FGF14: variants seen among roughly 807,000 people sequenced by gnomAD.
FGF14 encodes fibroblast growth factor homologous factor 4.
A neutral mutation model predicts 25.5 loss-of-function variants in FGF14; 5 were observed. That is an observed-to-expected ratio of 0.20 (90% CI 0.10 to 0.41). The LOEUF (loss-of-function observed/expected upper bound fraction) is 0.41. Ranked by LOEUF, FGF14 falls within the 10% of genes least tolerant of loss-of-function variation. FGF14 has a pLI of 1.00. For synonymous variants in FGF14, 138 were observed against 118.3 expected, an observed-to-expected ratio of 1.17 and a Z score of -1.08; for missense variants, 222 against 320.1, an observed-to-expected ratio of 0.69 and a Z score of 2.34.
intron 1 of FGF14, among the ~76,000 whole-genome samples, chr13:102,376,687 AG>A (rs1372261921): frequency 1.3e-5 from 2 of 152,366 alleles, no homozygotes; most frequent in Middle Eastern, 3.4e-3. Flanking sequence ...AAAATATCCA[AG>A]GAAGTATGAA....
chr13:101,902,491 C>T (rs1251630087), intron 1 of FGF14, among the ~76,000 whole-genome samples: 1 of 152,112 alleles, frequency 6.6e-6, no homozygotes, highest in Admixed American at 6.6e-5. Context: ...TACAGCCCAC[C>T]CCATTTTTCC....
intron 1 of FGF14, among the ~76,000 whole-genome samples, chr13:102,024,387 G>T (rs2094171): frequency 0.066 from 10,081 of 151,988 alleles, 1,092 homozygotes; most frequent in African/African-American, 0.23. Flanking sequence ...ATGTTGAGCA[G>T]TTTTCTTGTG....
chr13:102,392,825 T>C (rs1448707356), intron 1 of FGF14, among the ~76,000 whole-genome samples: 2 of 152,144 alleles, frequency 1.3e-5, no homozygotes, highest in African/African-American at 2.4e-5. Flanking sequence ...TGCTCACTGC[T>C]CTTCCTCCCT....
chr13:102,151,114 A>C (rs911668189), intron 1 of FGF14, among the ~76,000 whole-genome samples: 1 of 152,218 alleles, frequency 6.6e-6, no homozygotes, highest in African/African-American at 2.4e-5. Flanking sequence ...GCAGAGGAAG[A>C]AATGCTATTG....
intron 1 of FGF14, among the ~76,000 whole-genome samples, chr13:101,904,925 G>T (rs1413846975): frequency 6.6e-6 from 1 of 152,154 alleles, no homozygotes; most frequent in African/African-American, 2.4e-5. Flanking sequence ...AAAATGCAAA[G>T]GCATTGGGAT....
chr13:102,355,478 G>A (rs1386843872), intron 1 of FGF14, among the ~76,000 whole-genome samples: 1 of 151,482 alleles, frequency 6.6e-6, no homozygotes, highest in Non-Finnish European at 1.5e-5. Flanking sequence ...TCCTTGGAAA[G>A]TTAAGTATGT....
intron 1 of FGF14, among the ~76,000 whole-genome samples, chr13:101,928,783 C>T (rs545475090): frequency 1.5e-4 from 23 of 152,120 alleles, no homozygotes; most frequent in Non-Finnish European, 3.2e-4. Context: ...TCTCAGAAGG[C>T]CTTGGCTACA....
At chr13:102,063,574 C>T (rs536740876) in intron 1 of FGF14, among the ~76,000 whole-genome samples, 2 of 151,828 alleles carry the variant, frequency 1.3e-5, no homozygotes, top group East Asian at 3.9e-4. Flanking sequence ...CAAGATCACG[C>T]CATTGCACTC....
intron 1 of FGF14, among the ~76,000 whole-genome samples, chr13:102,324,338 T>C (rs1323890539): frequency 2.6e-5 from 4 of 152,144 alleles, no homozygotes; most frequent in Admixed American, 2.6e-4. Flanking sequence ...GTTTCTACCA[T>C]TTACTAAGTA....
Position 102,400,517 on chromosome 13 carries a change from G to A in FGF14, c.208+954C>T, listed in dbSNP as rs987905376. On this transcript the variant is annotated intron_variant, in intron 1 of 4. Coordinates refer to the FGF14 transcript ENST00000376131. The surrounding 1 kb of genome is among the most constrained non-coding windows in gnomAD (Gnocchi z 4.3). The stretch of plus-strand genomic sequence containing the variant: ...TGCAGCCCTCCAGCCTGCCTCCCCT[G>A]GGTTGCTCGCCCACAGCTCCGCGGC... 1.3e-5 allele frequency among the ~76,000 whole-genome samples: 2 copies of A among 152,198 alleles called. No individual in the cohort carries two copies. The highest frequency in any genetic ancestry group is 6.5e-5 in the Admixed American group (1 of 15,284).
intron 1 of FGF14, among the ~76,000 whole-genome samples, chr13:102,316,846 T>C (rs956524311): frequency 2.0e-5 from 3 of 152,168 alleles, no homozygotes; most frequent in Non-Finnish European, 2.9e-5. Context: ...AAAAATAATG[T>C]AATCCATTCT....
intron 1 of FGF14, among the ~76,000 whole-genome samples, chr13:102,150,322 G>A (rs1009121665): frequency 6.6e-6 from 1 of 151,342 alleles, no homozygotes; most frequent in Admixed American, 6.6e-5. Context: ...AATAACAGAA[G>A]TAAACATTGT....
intron 1 of FGF14, among the ~76,000 whole-genome samples, chr13:102,370,420 T>C (rs894756905): frequency 4.1e-4 from 62 of 152,302 alleles, no homozygotes; most frequent in African/African-American, 1.5e-3. Flanking sequence ...GTACATGTGA[T>C]GTTTTGATAC....
intron 4 of FGF14, among the ~76,000 whole-genome samples, chr13:101,725,102 T>G (rs2035322115): frequency 6.6e-6 from 1 of 152,084 alleles, no homozygotes; most frequent in Non-Finnish European, 1.5e-5. Context: ...AGTCAATTCT[T>G]AACTATTTAC....
intron 3 of FGF14, among the ~76,000 whole-genome samples, chr13:101,770,329 G>A (rs9518529): frequency 0.42 from 64,372 of 151,626 alleles, 14,881 homozygotes; most frequent in Middle Eastern, 0.52. Flanking sequence ...TCTTTACCTC[G>A]TTATTGTATA....
At chr13:101,897,816 C>G (rs1176532841) in intron 1 of FGF14, among the ~76,000 whole-genome samples, 2 of 152,182 alleles carry the variant, frequency 1.3e-5, no homozygotes, top group Admixed American at 1.3e-4. Context: ...AAATCTGAAA[C>G]TTCTTGAACA....
chr13:102,371,481 C>A (rs1014066622), intron 1 of FGF14, among the ~76,000 whole-genome samples: 1 of 152,110 alleles, frequency 6.6e-6, no homozygotes, highest in African/African-American at 2.4e-5. Flanking sequence ...TCTAAATGTC[C>A]CTTCTCCAGT....
At chr13:101,741,298 T>G (rs2036538468) in intron 3 of FGF14, among the ~76,000 whole-genome samples, 2 of 152,150 alleles carry the variant, frequency 1.3e-5, no homozygotes, top group Non-Finnish European at 2.9e-5. Flanking sequence ...ATCACACCAT[T>G]GCACTCCAGC....
chr13:101,891,042 C>T (rs1050812003), intron 1 of FGF14, among the ~76,000 whole-genome samples: 7 of 152,212 alleles, frequency 4.6e-5, no homozygotes, highest in Middle Eastern at 3.4e-3. Context: ...TTAGTACAGG[C>T]TAAGCCGAGG....
Sources: gnomAD v4.1 joint callset for allele counts (sites outside exome capture counted in the v4.1 genomes callset) on GRCh38, gnomAD v4.1.1 for gene constraint, Gnocchi (gnomAD v3.1) non-coding constraint, MANE v1.5 for transcripts, NCBI Gene and HGNC (gene_info 2026-07-23, HGNC 2026-07-21) for gene names.